Variants in NXPH1 observed in about 807,000 individuals in gnomAD.
The protein encoded by NXPH1 is neurexophilin 1.
Under a neutral mutation model 23.7 loss-of-function variants are expected in NXPH1, and 5 were observed. That is an observed-to-expected ratio of 0.21 (90% CI 0.11 to 0.44). NXPH1 has a LOEUF of 0.44. Among genes scored for constraint, NXPH1 ranks in the 20% least tolerant of loss-of-function variants. The pLI is 0.99. For missense variants in NXPH1, 324 were observed against 321.6 expected, an observed-to-expected ratio of 1.01 and a Z score of -0.06; for synonymous variants, 144 against 122.2, an observed-to-expected ratio of 1.18 and a Z score of -1.18.
chr7:8,751,054 A>G lies in NXPH1; in HGVS notation c.101A>G (p.Lys34Arg). The change falls in exon 3 of 3, where the codon AAA (lysine) becomes AGA (arginine). Residue 34 changes from lysine (K) to arginine (R), a missense_variant. Physicochemically the swap from Lys to Arg is conservative, Grantham distance 26. Transcript: ENST00000405863. This position sits in a 1 kb window ranked among gnomAD's most constrained non-coding sequence, Gnocchi z 4.5. ...LTNGGKSELLKSGSSKSTLKH... is the reference protein window; with the variant it reads ...LTNGGKSELLRSGSSKSTLKH... The stretch of plus-strand genomic sequence containing the variant: ...AACGGTGGAAAGTCAGAACTTCTGA[A>G]ATCAGGAAGCAGCAAATCCACACTA... 1 of 1,613,838 alleles carries G rather than the reference A, an allele frequency of 6.2e-7. No homozygotes were observed. Among genetic ancestry groups the G allele is most frequent in the Middle Eastern group, 1.7e-4 (1 of 6,058 alleles).
intron 2 of NXPH1, among the ~76,000 whole-genome samples, chr7:8,557,372 A>G (rs1268470128): frequency 6.6e-6 from 1 of 151,670 alleles, no homozygotes; most frequent in East Asian, 2.0e-4. Context: ...GTCAATCAAC[A>G]CCTTCCTTTA....
intron 2 of NXPH1, among the ~76,000 whole-genome samples, chr7:8,446,142 T>G (rs1200786504): frequency 6.6e-6 from 1 of 152,214 alleles, no homozygotes; most frequent in African/African-American, 2.4e-5. Flanking sequence ...AAGTTAGGTT[T>G]GGTGTGCAAT....
At chr7:8,677,775 AT>A in intron 2 of NXPH1, among the ~76,000 whole-genome samples, 1 of 152,282 alleles carries the variant, frequency 6.6e-6, no homozygotes, top group East Asian at 1.9e-4. Context: ...GATGATTTTT[AT>A]TGATAATAAA....
intron 2 of NXPH1, among the ~76,000 whole-genome samples, chr7:8,745,792 C>G (rs1053491126): frequency 7.3e-6 from 1 of 136,136 alleles, no homozygotes; most frequent in Non-Finnish European, 1.5e-5. Flanking sequence ...ATGATCTGAT[C>G]TCTTGACCTC....
At chr7:8,545,029 T>C (rs919062577) in intron 2 of NXPH1, among the ~76,000 whole-genome samples, 1 of 151,572 alleles carries the variant, frequency 6.6e-6, no homozygotes, top group Non-Finnish European at 1.5e-5. Flanking sequence ...GGAAACAACT[T>C]CTTTCTACTT....
intron 2 of NXPH1, among the ~76,000 whole-genome samples, chr7:8,747,075 G>A (rs1483662885): frequency 6.6e-6 from 1 of 152,078 alleles, no homozygotes; most frequent in African/African-American, 2.4e-5. Context: ...AATTTGAATG[G>A]AGTGCCCTAT....
chr7:8,492,864 T>A (rs976451909), intron 2 of NXPH1, among the ~76,000 whole-genome samples: 1 of 152,052 alleles, frequency 6.6e-6, no homozygotes, highest in Non-Finnish European at 1.5e-5. Flanking sequence ...TAAGTTTGGC[T>A]GGAAACTCTA....
intron 2 of NXPH1, among the ~76,000 whole-genome samples, chr7:8,623,496 G>T (rs1819920166): frequency 1.3e-5 from 2 of 151,882 alleles, no homozygotes; most frequent in South Asian, 4.2e-4. Context: ...AAAGATAAAA[G>T]AAACAGAGTA....
At chr7:8,603,721 T>C (rs979907574) in intron 2 of NXPH1, among the ~76,000 whole-genome samples, 3 of 152,210 alleles carry the variant, frequency 2.0e-5, no homozygotes, top group Non-Finnish European at 4.4e-5. Context: ...TTTTATTTTT[T>C]ACTCTCTCCA....
chr7:8,730,927 G>C (rs550978659), intron 2 of NXPH1, among the ~76,000 whole-genome samples: 1 of 150,644 alleles, frequency 6.6e-6, no homozygotes, highest in Non-Finnish European at 1.5e-5. Context: ...ATAATATCCT[G>C]CAGAGTGTTT....
At chr7:8,633,513 T>C (rs778080508) in intron 2 of NXPH1, among the ~76,000 whole-genome samples, 1 of 152,200 alleles carries the variant, frequency 6.6e-6, no homozygotes, top group Non-Finnish European at 1.5e-5. Context: ...TACTACAGTG[T>C]TGCGTGACAA....
chr7:8,635,833 A>G (rs1287316412), intron 2 of NXPH1, among the ~76,000 whole-genome samples: 1 of 152,156 alleles, frequency 6.6e-6, no homozygotes, highest in Admixed American at 6.5e-5. Flanking sequence ...TTTAGAATAT[A>G]TACACTTGGA....
At chr7:8,520,825 T>C (rs575850079) in intron 2 of NXPH1, among the ~76,000 whole-genome samples, 1 of 152,274 alleles carries the variant, frequency 6.6e-6, no homozygotes, top group South Asian at 2.1e-4. Context: ...TGTCACTTCA[T>C]TTTCTCTTTG....
At chr7:8,606,217 T>C (rs542839697) in intron 2 of NXPH1, among the ~76,000 whole-genome samples, 51 of 152,188 alleles carry the variant, frequency 3.4e-4, no homozygotes, top group Admixed American at 1.4e-3. Context: ...GATGAACAGA[T>C]TGATAGAAGA....
intron 2 of NXPH1, among the ~76,000 whole-genome samples, chr7:8,464,461 T>C (rs975817616): frequency 6.6e-6 from 1 of 152,216 alleles, no homozygotes; most frequent in Non-Finnish European, 1.5e-5. Context: ...CCAGTCTTTT[T>C]ACCCCACTAC....
chr7:8,560,415 T>C (rs1251873207), intron 2 of NXPH1, among the ~76,000 whole-genome samples: 2 of 151,776 alleles, frequency 1.3e-5, no homozygotes, highest in African/African-American at 4.8e-5. Flanking sequence ...TTTTGTTTGA[T>C]GTGACAGACT....
chr7:8,572,742 G>A (rs1031743957), intron 2 of NXPH1, among the ~76,000 whole-genome samples: 1 of 151,712 alleles, frequency 6.6e-6, no homozygotes, highest in Non-Finnish European at 1.5e-5. Context: ...TAAGACTTGG[G>A]TATATATTAG....
At chr7:8,734,076 T>G (rs191844460) in intron 2 of NXPH1, among the ~76,000 whole-genome samples, 2,203 of 152,324 alleles carry the variant, frequency 0.014, 23 homozygotes, top group Non-Finnish European at 0.021. Context: ...GGGTCCAGTT[T>G]CTGTTTTCTG....
chr7:8,440,536 G>A (rs1261413022), intron 2 of NXPH1, among the ~76,000 whole-genome samples: 2 of 152,124 alleles, frequency 1.3e-5, no homozygotes, highest in East Asian at 1.9e-4. Context: ...AAATATATCA[G>A]GTGGCTGGGA....
Sources: gnomAD v4.1 joint callset for allele counts (sites outside exome capture counted in the v4.1 genomes callset) on GRCh38, gnomAD v4.1.1 for gene constraint, Gnocchi (gnomAD v3.1) non-coding constraint, MANE v1.5 for transcripts, NCBI Gene and HGNC (gene_info 2026-07-23, HGNC 2026-07-21) for gene names.